WIPF2: variants seen among roughly 807,000 people sequenced by gnomAD.
WIPF2 encodes the protein WAS/WASL-interacting protein family member 2.
A neutral mutation model predicts 38.8 loss-of-function variants in WIPF2; 23 were observed. The ratio of observed to expected loss-of-function variants is 0.59; its 90% CI spans 0.43 to 0.84. WIPF2 has a LOEUF of 0.84. WIPF2 is among the 40% of genes least tolerant of loss of function. The pLI, the probability that WIPF2 is intolerant of heterozygous loss-of-function variation, is 0.00. For missense variants in WIPF2, 574 were observed against 580.5 expected, an observed-to-expected ratio of 0.99 and a Z score of 0.11; for synonymous variants, 210 against 223.2, an observed-to-expected ratio of 0.94 and a Z score of 0.53.
intron 1 of WIPF2, among the ~76,000 whole-genome samples, chr17:40,243,809 C>G (rs2031272545): frequency 6.6e-6 from 1 of 152,122 alleles, no homozygotes; most frequent in Non-Finnish European, 1.5e-5. Flanking sequence ...GAGTGAGCCA[C>G]CACGCCCGGC....
intron 5 of WIPF2, among the ~76,000 whole-genome samples, chr17:40,267,936 A>G (rs1009428619): frequency 2.0e-5 from 3 of 152,204 alleles, no homozygotes; most frequent in Non-Finnish European, 4.4e-5. Context: ...TAAGCCCAGG[A>G]GTTCGAGACC....
intron 7 of WIPF2, among the ~76,000 whole-genome samples, chr17:40,277,410 G>A (rs1419353985): frequency 1.3e-5 from 2 of 151,988 alleles, no homozygotes; most frequent in African/African-American, 4.8e-5. Flanking sequence ...GGCTGGGCGC[G>A]GTGGCTTATG....
In WIPF2 at chr17:40,281,978, G is replaced by A. The variant is rs1443378756; in HGVS notation, c.*3753G>A. The A allele has an allele frequency of 2.6e-5, 4 of 152,390 alleles. No individual in the cohort carries two copies. The highest frequency in any genetic ancestry group is 5.9e-5 in the Non-Finnish European group (4 of 68,014). 9.4% of individuals were successfully genotyped at this position (152,390 alleles called of 1,614,324 possible). ...TCTCAGTCCCTGGCCATGTGGTCAA[G>A]GTGGCTTTCTGTTAAGCTACCCTAA... On this transcript the variant is annotated 3_prime_UTR_variant, in exon 8 of 8. Coordinates refer to ENST00000323571, the MANE Select transcript of WIPF2 (RefSeq NM_133264.5).
At chr17:40,256,253 GC>G (rs2031728109) in intron 1 of WIPF2, 137 bp from the exon 2 acceptor site, 1 of 627,678 alleles carries the variant, frequency 1.6e-6, no homozygotes, top group Admixed American at 4.1e-5. Context: ...GATTTACCAA[GC>G]CCTGGACTGT....
In WIPF2 at chr17:40,273,816, C is replaced by T. The variant is rs1402482737; in HGVS notation, c.997C>T (p.Arg333Ter). 4 of 1,608,296 alleles carry T rather than the reference C, an allele frequency of 2.5e-6. No homozygotes were observed. The highest frequency in any genetic ancestry group is 3.4e-6 in the Non-Finnish European group (4 of 1,176,382). The change falls in exon 6 of 8, where the codon CGA becomes TGA. Residue 333 changes from arginine to a stop codon, truncating the protein, a stop_gained. Coordinates refer to ENST00000323571, the MANE Select transcript of WIPF2 (RefSeq NM_133264.5). LOFTEE classifies it high-confidence loss of function. ...AAPPPPPPVI[R>*]NGARDAPPPP... ...TCCTCCACCCCCACCACCTGTGATC[C>T]GAAATGGTGCCAGGGATGCTCCCCC... is the stretch of plus-strand genomic sequence containing the variant.
intron 1 of WIPF2, among the ~76,000 whole-genome samples, chr17:40,251,105 G>A (rs938320510): frequency 4.6e-5 from 7 of 151,330 alleles, no homozygotes; most frequent in Non-Finnish European, 1.0e-4. Flanking sequence ...TAGTAGAGAC[G>A]GGGTTTCACT....
intron 1 of WIPF2, among the ~76,000 whole-genome samples, chr17:40,223,193 G>T (rs539464085): frequency 1.4e-4 from 22 of 152,046 alleles, no homozygotes; most frequent in Non-Finnish European, 2.2e-4. Flanking sequence ...GCCCAGGCTG[G>T]AGTGCAATGG....
intron 2 of WIPF2, among the ~76,000 whole-genome samples, chr17:40,258,611 G>A (rs2031803116): frequency 6.6e-6 from 1 of 151,872 alleles, no homozygotes; most frequent in Admixed American, 6.6e-5. Flanking sequence ...AGCAGAGCTT[G>A]TATGGTGATG....
chr17:40,237,667 A>G (rs536218792), intron 1 of WIPF2, among the ~76,000 whole-genome samples: 4 of 148,114 alleles, frequency 2.7e-5, no homozygotes, highest in South Asian at 2.2e-4. Flanking sequence ...TTTTTTTTAG[A>G]CAGAGTCTTA....
intron 1 of WIPF2, among the ~76,000 whole-genome samples, chr17:40,234,778 C>T (rs1567711015): frequency 6.6e-6 from 1 of 152,190 alleles, no homozygotes; most frequent in Non-Finnish European, 1.5e-5. Flanking sequence ...GCCTTAAGCA[C>T]CAAAACAGGC....
At chr17:40,267,826 A>G (rs930189001) in intron 5 of WIPF2, among the ~76,000 whole-genome samples, 1 of 152,164 alleles carries the variant, frequency 6.6e-6, no homozygotes, top group African/African-American at 2.4e-5. Context: ...CAGTTTCTAC[A>G]GGTATAGAAC....
At chr17:40,246,017 G>GT (rs1321140601) in intron 1 of WIPF2, among the ~76,000 whole-genome samples, 2 of 150,458 alleles carry the variant, frequency 1.3e-5, no homozygotes, top group African/African-American at 4.9e-5. Flanking sequence ...TCTGTTTTCT[G>GT]TTTCTGGCAT....
At chr17:40,234,177 G>A (rs1013493418) in intron 1 of WIPF2, among the ~76,000 whole-genome samples, 1 of 152,148 alleles carries the variant, frequency 6.6e-6, no homozygotes, top group African/African-American at 2.4e-5. Context: ...GACCATCCTG[G>A]CCAACATGGT....
In WIPF2 at chr17:40,282,771, T is replaced by A. The variant is rs1234540191; in HGVS notation, c.*4546T>A. 1 of 152,078 alleles carries A rather than the reference T, an allele frequency of 6.6e-6. No homozygotes were observed. The highest frequency in any genetic ancestry group is 2.1e-4 in the South Asian group (1 of 4,830). The allele number at this position is 152,078 out of a possible 1,614,324, so 9.4% of individuals were successfully genotyped here. On this transcript the variant is annotated 3_prime_UTR_variant, in exon 8 of 8. Coordinates refer to ENST00000323571, the MANE Select transcript of WIPF2 (RefSeq NM_133264.5). ...GGGGAGAAAACCTTTGCCTCATAAT[T>A]TGGGTAAGTGTAGTGGTTTGATTCC... is the stretch of plus-strand genomic sequence containing the variant.
At chr17:40,253,613 G>A (rs1003261700) in intron 1 of WIPF2, among the ~76,000 whole-genome samples, 1 of 152,176 alleles carries the variant, frequency 6.6e-6, no homozygotes, top group African/African-American at 2.4e-5. Context: ...GACTGCCCTT[G>A]GTTTTGAAAG....
chr17:40,243,312 G>A (rs964927948), intron 1 of WIPF2, among the ~76,000 whole-genome samples: 60 of 152,056 alleles, frequency 3.9e-4, no homozygotes, highest in African/African-American at 1.4e-3. Context: ...AAATTTGACT[G>A]GCTTTAAAAA....
At chr17:40,232,114 G>A (rs1359876668) in intron 1 of WIPF2, among the ~76,000 whole-genome samples, 1 of 147,534 alleles carries the variant, frequency 6.8e-6, no homozygotes, top group Admixed American at 6.8e-5. Context: ...CTGGGCTCAA[G>A]CGATCTTCCC....
In WIPF2 at chr17:40,277,723, C is replaced by CTTTTTTTTTTTTTTT. The variant is rs528401568; in HGVS notation, c.1283-457_1283-443dup. On this transcript the variant is annotated intron_variant, in intron 7 of 7. Transcript: ENST00000323571. ...ATTGCTTCTCATCATCTTCGTTGTC[C>CTTTTTTTTTTTTTTT]TTTTTTTTTTTTTTTTTTTGAGATA... is the stretch of plus-strand genomic sequence containing the variant. Among the ~76,000 whole-genome samples, 35 of 97,614 alleles carry CTTTTTTTTTTTTTTT rather than the reference C, an allele frequency of 3.6e-4. 4 individuals are homozygous for CTTTTTTTTTTTTTTT. Among genetic ancestry groups the CTTTTTTTTTTTTTTT allele is most frequent in the African/African-American group, 1.6e-3 (29 of 17,936 alleles). 64.0% of individuals were successfully genotyped at this position (97,614 alleles called of 152,430 possible). A position where few individuals can be genotyped will look rare whatever the true frequency, so the allele number is the denominator to read the frequency against.
chr17:40,249,626 TATGTTTGGTAGAGACAGGGTTACTCC>T (rs1482019400), intron 1 of WIPF2, among the ~76,000 whole-genome samples: 1 of 151,318 alleles, frequency 6.6e-6, no homozygotes, highest in Non-Finnish European at 1.5e-5. Context: ...GCTAATTTTG[TATGTTTGGTAGAGACAGGGTTACTCC>T]ATGTTGGTCA....
Sources: gnomAD v4.1 joint callset for allele counts (sites outside exome capture counted in the v4.1 genomes callset) on GRCh38, gnomAD v4.1.1 for gene constraint, MANE v1.5 for transcripts, NCBI Gene and HGNC (gene_info 2026-07-23, HGNC 2026-07-21) for gene names.